The following THBS4 variants were observed in gnomAD, a reference collection of about 807,000 sequenced individuals.
THBS4 encodes the protein thrombospondin-4.
THBS4 carries 90 observed loss-of-function variants against 115.7 expected under a neutral mutation model. The observed-to-expected ratio is 0.78, with a 90% CI of 0.66 to 0.93. THBS4 has a LOEUF of 0.93. THBS4 is among the 40% of genes least tolerant of loss of function. The probability of loss-of-function intolerance (pLI) is 0.00; values close to 1 mark genes in which losing one functional copy is unlikely to be tolerated. For missense variants in THBS4, 1,087 were observed against 1,232.7 expected (o/e 0.88, Z 1.77); for synonymous variants, 460 against 479.3 (o/e 0.96, Z 0.53).
At chr5:80,019,041 G>GTTTTTTTTTTTTTTT (rs537532061) in intron 2 of THBS4, among the ~76,000 whole-genome samples, 3 of 135,012 alleles carry the variant, frequency 2.2e-5, no homozygotes, top group Non-Finnish European at 1.6e-5. Context: ...CTCTGTGATT[G>GTTTTTTTTTTTTTTT]TTTTTTTTTT....
intron 10 of THBS4, among the ~76,000 whole-genome samples, chr5:80,069,114 G>A (rs183624171): frequency 9.2e-5 from 14 of 152,340 alleles, no homozygotes; most frequent in African/African-American, 3.4e-4. Context: ...CCGGTGGCCC[G>A]TCAGACTCTG....
At chr5:80,046,540 G>GA (rs1833071534) in intron 2 of THBS4, among the ~76,000 whole-genome samples, 1 of 152,024 alleles carries the variant, frequency 6.6e-6, no homozygotes, top group East Asian at 1.9e-4. Flanking sequence ...GGATTGCCCA[G>GA]AAAAGAAATC....
chr5:80,080,767 A>G (rs956484766), intron 20 of THBS4, among the ~76,000 whole-genome samples: 29 of 151,456 alleles, frequency 1.9e-4, no homozygotes, highest in African/African-American at 7.0e-4. Flanking sequence ...TTGTATTTTT[A>G]GTAGAGATGG....
chr5:80,063,282 C>T (rs1833702258), intron 8 of THBS4, among the ~76,000 whole-genome samples: 1 of 152,106 alleles, frequency 6.6e-6, no homozygotes, highest in Non-Finnish European at 1.5e-5. Context: ...TCTCTGATGG[C>T]CAGTAATGGT....
rs562537377 is a variant in THBS4 at position 80,029,469 on chromosome 5, T to A, written n.178-10608T>A. Among the ~76,000 whole-genome samples, 6 of 152,342 alleles carry A rather than the reference T, an allele frequency of 3.9e-5. No homozygotes were observed. In the South Asian group the frequency reaches 1.2e-3, roughly 32 times the overall value. ...ATACATAATTATTAATTGTAACATG[T>A]CCTCACAATTGATTTCTGGCTATTT... On this transcript the variant is annotated intron_variant and non_coding_transcript_variant, in intron 2 of 3. Coordinates refer to the THBS4 transcript ENST00000510218.
intron 2 of THBS4, among the ~76,000 whole-genome samples, chr5:80,012,455 TAA>T (rs1399894506): frequency 2.6e-5 from 4 of 152,084 alleles, no homozygotes; most frequent in Non-Finnish European, 5.9e-5. Flanking sequence ...AAAAACACAT[TAA>T]AACTCTAGAA....
chr5:80,062,809 T>C (rs1833684297), intron 8 of THBS4, among the ~76,000 whole-genome samples: 1 of 152,164 alleles, frequency 6.6e-6, no homozygotes, highest in African/African-American at 2.4e-5. Context: ...CTTGCGATAG[T>C]TTGCTCAGAA....
intron 2 of THBS4, among the ~76,000 whole-genome samples, chr5:80,045,638 C>G (rs946207787): frequency 1.3e-4 from 19 of 150,346 alleles, no homozygotes; most frequent in Non-Finnish European, 4.4e-5. Flanking sequence ...TCAAGTGATT[C>G]TCCTGCCTCA....
chr5:80,044,733 A>AT (rs11362890), intron 2 of THBS4, among the ~76,000 whole-genome samples: 26 of 149,362 alleles, frequency 1.7e-4, no homozygotes, highest in East Asian at 9.8e-4. Flanking sequence ...CCAAAAAAAG[A>AT]TTTTTTTTTT....
intron 2 of THBS4, among the ~76,000 whole-genome samples, chr5:80,021,736 T>C (rs1460382004): frequency 6.6e-6 from 1 of 152,198 alleles, no homozygotes; most frequent in East Asian, 1.9e-4. Context: ...TGACTGGTCT[T>C]GAACGCCTGG....
At chr5:80,042,791 C>A (rs939447495) in intron 2 of THBS4, among the ~76,000 whole-genome samples, 6 of 152,068 alleles carry the variant, frequency 3.9e-5, no homozygotes, top group Non-Finnish European at 5.9e-5. Context: ...CATGGAGAAA[C>A]CCCATCTCTA....
intron 2 of THBS4, among the ~76,000 whole-genome samples, chr5:80,049,882 AG>A (rs1392894672): frequency 1.3e-5 from 2 of 152,232 alleles, no homozygotes; most frequent in Non-Finnish European, 2.9e-5. Flanking sequence ...CAGTCCAAAA[AG>A]TCCGTGCAGA....
intron 2 of THBS4, among the ~76,000 whole-genome samples, chr5:80,049,064 C>T (rs1358673369): frequency 6.6e-6 from 1 of 152,242 alleles, no homozygotes; most frequent in African/African-American, 2.4e-5. Flanking sequence ...CCACTCTGGA[C>T]TCCTTTGCCC....
intron 1 of THBS4, among the ~76,000 whole-genome samples, chr5:79,997,351 C>T (rs1831815186): frequency 6.6e-6 from 1 of 151,382 alleles, no homozygotes; most frequent in African/African-American, 2.4e-5. Flanking sequence ...TTATACCATG[C>T]AAACATTGAT....
chr5:80,002,317 A>T (rs905773636), intron 2 of THBS4, among the ~76,000 whole-genome samples: 16 of 152,114 alleles, frequency 1.1e-4, no homozygotes, highest in African/African-American at 3.6e-4. Flanking sequence ...GCTGGGCCTA[A>T]TGAAAACAGA....
In THBS4 at chr5:80,026,690, A is replaced by G. The variant is rs531752125; in HGVS notation, n.178-13387A>G. 5.3e-4 allele frequency among the ~76,000 whole-genome samples: 80 copies of G among 152,366 alleles called. 1 individual carries two copies. Among genetic ancestry groups the G allele is most frequent in the Admixed American group, 1.7e-3 (26 of 15,306 alleles). ...CAAATATTAAATTCCAATCATTTAA[A>G]ACTATAAAAATTATTCTTAGCTCAC... On this transcript the variant is annotated intron_variant and non_coding_transcript_variant, in intron 2 of 3. Transcript: ENST00000510218.
intron 2 of THBS4, chr5:80,052,371 T>A (rs1471416093): frequency 6.6e-6 from 1 of 152,206 alleles, no homozygotes; most frequent in African/African-American, 2.4e-5. Flanking sequence ...AGGAGAAGAA[T>A]TCTGTTCTAT....
At chr5:79,996,005 C>T (rs1030719679) in intron 1 of THBS4, among the ~76,000 whole-genome samples, 2 of 151,098 alleles carry the variant, frequency 1.3e-5, no homozygotes, top group East Asian at 1.9e-4. Context: ...GATGTGGTGG[C>T]GCACACCTGT....
At chr5:79,992,792 C>T (rs1184697336) in intron 1 of THBS4, among the ~76,000 whole-genome samples, 2 of 152,180 alleles carry the variant, frequency 1.3e-5, no homozygotes, top group African/African-American at 2.4e-5. Context: ...CAAAATACTA[C>T]AGAAACACAA....
Sources: allele counts gnomAD v4.1 joint callset (sites outside exome capture counted in the v4.1 genomes callset), GRCh38; gene constraint gnomAD v4.1.1; transcripts MANE v1.5; gene names NCBI Gene and HGNC (gene_info 2026-07-23, HGNC 2026-07-21).